The following PCDHGA12 variants were observed in gnomAD, a reference collection of about 807,000 sequenced individuals.
PCDHGA12 encodes the protein protocadherin gamma subfamily A, 12.
Under a neutral mutation model 61.1 loss-of-function variants are expected in PCDHGA12, and 43 were observed. That is an observed-to-expected ratio of 0.70 (90% confidence interval 0.55 to 0.91). The LOEUF (loss-of-function observed/expected upper bound fraction) is 0.91. Ranked by LOEUF, PCDHGA12 falls within the 40% of genes least tolerant of loss-of-function variation. The pLI is 0.00. For missense variants in PCDHGA12, 1,236 were observed against 1,227.7 expected, an observed-to-expected ratio of 1.01 and a Z score of -0.10; for synonymous variants, 520 against 542.9, an observed-to-expected ratio of 0.96 and a Z score of 0.59.
intron 1 of PCDHGA12, among the ~76,000 whole-genome samples, chr5:141,479,837 G>A (rs563513895): frequency 3.9e-5 from 6 of 152,338 alleles, no homozygotes; most frequent in Non-Finnish European, 8.8e-5. Flanking sequence ...TGGTATCCAT[G>A]CAAGGTGACT....
At chr5:141,510,408 T>C (rs1447722710) in intron 3 of PCDHGA12, among the ~76,000 whole-genome samples, 1 of 151,878 alleles carries the variant, frequency 6.6e-6, no homozygotes, top group African/African-American at 2.4e-5. Flanking sequence ...GCTAGGGGCA[T>C]GTAAAGCCAT....
At chr5:141,461,441 T>A (rs959248029) in intron 1 of PCDHGA12, among the ~76,000 whole-genome samples, 7 of 152,194 alleles carry the variant, frequency 4.6e-5, no homozygotes, top group Admixed American at 4.6e-4. Flanking sequence ...TACCTTCTTT[T>A]GAGAAATGGC....
Position 141,485,842 on chromosome 5 carries a change from T to G in PCDHGA12, c.2425-8965T>G. 4 of 1,614,002 alleles carry G rather than the reference T, an allele frequency of 2.5e-6. No homozygotes were observed. The highest frequency in any genetic ancestry group is 3.4e-6 in the Non-Finnish European group (4 of 1,179,982). On this transcript the variant is annotated intron_variant, in intron 1 of 3. Coordinates refer to ENST00000252085, the MANE Select transcript of PCDHGA12 (RefSeq NM_003735.3). The surrounding 1 kb of genome is among the most constrained non-coding windows in gnomAD (Gnocchi z 5.7). ...TCGATGGAGGGAACCCGCCGAGATC[T>G]GGCACCGCAGAGCTCCGGGTATCCG...
chr5:141,510,852 G>A (rs2099883073), intron 3 of PCDHGA12, 95 bp from the exon 4 acceptor site: 2 of 1,601,096 alleles, frequency 1.2e-6, no homozygotes, highest in Non-Finnish European at 1.7e-6. Flanking sequence ...GGCCCAGGGT[G>A]CTGTATAGGC....
chr5:141,490,811 A>G lies in PCDHGA12; in HGVS notation c.2425-3996A>G, dbSNP rs750702067. The G allele has an allele frequency of 1.2e-6, 2 of 1,613,918 alleles. No homozygotes were observed. The highest frequency in any genetic ancestry group is 8.5e-7 in the Non-Finnish European group (1 of 1,179,884). On this transcript the variant is annotated intron_variant, in intron 1 of 3. Coordinates refer to ENST00000252085, the MANE Select transcript of PCDHGA12 (RefSeq NM_003735.3). This position sits in a 1 kb window ranked among gnomAD's most constrained non-coding sequence, Gnocchi z 5.4. ...ATCTTTGCCCAGCGTACCTTTGACTATGAATTGCTGCAGATGCTGCAGATT... is the reference window on the plus strand; with the variant it reads ...ATCTTTGCCCAGCGTACCTTTGACTGTGAATTGCTGCAGATGCTGCAGATT...
intron 2 of PCDHGA12, among the ~76,000 whole-genome samples, chr5:141,501,049 A>G (rs1458722311): frequency 1.3e-5 from 2 of 151,844 alleles, no homozygotes; most frequent in African/African-American, 2.4e-5. Flanking sequence ...TTGTATTTTT[A>G]GTAGAGACGG....
In PCDHGA12 at chr5:141,489,637, T is replaced by G. The variant is rs1230531256; in HGVS notation, c.2425-5170T>G. The G allele has an allele frequency of 6.2e-6, 10 of 1,614,032 alleles. No homozygotes were observed. The highest frequency in any genetic ancestry group is 2.7e-5 in the African/African-American group (2 of 74,914). On this transcript the variant is annotated intron_variant, in intron 1 of 3. Transcript: ENST00000252085. The surrounding 1 kb of genome is among the most constrained non-coding windows in gnomAD (Gnocchi z 4.5). The stretch of plus-strand genomic sequence containing the variant: ...GGATCTCAATGACAACTCTCCTAGC[T>G]TTGCCACCCCTGAGCGAGAGATGCG...
intron 1 of PCDHGA12, among the ~76,000 whole-genome samples, chr5:141,435,715 A>G (rs528951395): frequency 6.6e-6 from 1 of 152,328 alleles, no homozygotes; most frequent in African/African-American, 2.4e-5. Context: ...ACAGACACTG[A>G]ATGCTAAAGT....
Position 141,490,672 on chromosome 5 carries a change from G to T in PCDHGA12, c.2425-4135G>T. The T allele has an allele frequency of 6.2e-7, 1 of 1,614,114 alleles. No homozygotes were observed. Among genetic ancestry groups the T allele is most frequent in the Non-Finnish European group, 8.5e-7 (1 of 1,179,996 alleles). ...GGGCTCCCTTCTTTGCACTGTGGCT[G>T]CCTCAGATCCAGACACTGGGGATAA... On this transcript the variant is annotated intron_variant, in intron 1 of 3. Coordinates refer to ENST00000252085, the MANE Select transcript of PCDHGA12 (RefSeq NM_003735.3). The surrounding 1 kb of genome is among the most constrained non-coding windows in gnomAD (Gnocchi z 5.4).
At chr5:141,445,169 T>C (rs2098458681) in intron 1 of PCDHGA12, among the ~76,000 whole-genome samples, 3 of 152,320 alleles carry the variant, frequency 2.0e-5, no homozygotes, top group Non-Finnish European at 1.5e-5. Flanking sequence ...TACAGAAAAA[T>C]GAAAAACTAT....
chr5:141,477,874 T>G lies in PCDHGA12; in HGVS notation c.2425-16933T>G. On this transcript the variant is annotated intron_variant, in intron 1 of 3. Coordinates refer to ENST00000252085, the MANE Select transcript of PCDHGA12 (RefSeq NM_003735.3). This position sits in a 1 kb window ranked among gnomAD's most constrained non-coding sequence, Gnocchi z 4.9. ...AGATGCTGCCTCGAGGTACCTCAGC[T>G]GGCCACCTAGTGTCACGGGTGGTAG... 1 of 1,614,176 alleles carries G rather than the reference T, an allele frequency of 6.2e-7. No individual in the cohort carries two copies. The highest frequency in any genetic ancestry group is 8.5e-7 in the Non-Finnish European group (1 of 1,180,028).
At chr5:141,446,831 T>C (rs1237079019) in intron 1 of PCDHGA12, among the ~76,000 whole-genome samples, 2 of 152,186 alleles carry the variant, frequency 1.3e-5, no homozygotes, top group East Asian at 3.9e-4. Context: ...TAGATCCTTA[T>C]AAGGCTGAGC....
intron 3 of PCDHGA12, among the ~76,000 whole-genome samples, chr5:141,506,923 C>G: frequency 6.6e-6 from 1 of 152,184 alleles, no homozygotes; most frequent in African/African-American, 2.4e-5. Flanking sequence ...ACATACTAAA[C>G]AAACTTTAGG....
At chr5:141,452,951 G>A (rs1397204185) in intron 1 of PCDHGA12, among the ~76,000 whole-genome samples, 1 of 152,154 alleles carries the variant, frequency 6.6e-6, no homozygotes, top group Admixed American at 6.6e-5. Context: ...GCAATTGGTT[G>A]TCTTTAAACT....
At chr5:141,437,896 C>T (rs943440712) in intron 1 of PCDHGA12, among the ~76,000 whole-genome samples, 2 of 152,128 alleles carry the variant, frequency 1.3e-5, no homozygotes, top group African/African-American at 4.8e-5. Flanking sequence ...CGCCACCACA[C>T]CCAGCTAATT....
chr5:141,465,995 A>C lies in PCDHGA12; in HGVS notation c.2425-28812A>C, dbSNP rs551920109. On this transcript the variant is annotated intron_variant, in intron 1 of 3. Coordinates refer to ENST00000252085, the MANE Select transcript of PCDHGA12 (RefSeq NM_003735.3). ...AAATTAGCCGGGCATGGTGGCAGGC[A>C]CCTGTAGTCCCAGCTACTCGGGAGG... Among the ~76,000 whole-genome samples the C allele has an allele frequency of 1.3e-4, 20 of 151,982 alleles. No homozygotes were observed. In the South Asian group the frequency reaches 4.2e-3, roughly 32 times the overall value.
At chr5:141,463,335 A>G (rs565781645) in intron 1 of PCDHGA12, among the ~76,000 whole-genome samples, 3 of 149,628 alleles carry the variant, frequency 2.0e-5, no homozygotes, top group South Asian at 2.1e-4. Context: ...CAGCAAAACC[A>G]TGGTGTTATT....
chr5:141,433,571 C>T lies in PCDHGA12; in HGVS notation c.2424+388C>T, dbSNP rs2097625242. ...TCTTTTCTGGCTGGGCGCGGTGGCT[C>T]ACGCCTGTAATCCCAGTACTTTGGG... On this transcript the variant is annotated intron_variant, in intron 1 of 3. Coordinates refer to ENST00000252085, the MANE Select transcript of PCDHGA12 (RefSeq NM_003735.3). 3.9e-5 allele frequency among the ~76,000 whole-genome samples: 6 copies of T among 152,228 alleles called. No homozygotes were observed. The South Asian group carries it at 1.2e-3, about 32-fold the overall frequency.
At chr5:141,448,216 G>A (rs766377717) in intron 1 of PCDHGA12, among the ~76,000 whole-genome samples, 41 of 152,046 alleles carry the variant, frequency 2.7e-4, no homozygotes, top group African/African-American at 1.7e-4. Context: ...GTGTGTATGC[G>A]AATGTATGTG....
Sources: gnomAD v4.1 joint callset for allele counts (sites outside exome capture counted in the v4.1 genomes callset) on GRCh38, gnomAD v4.1.1 for gene constraint, Gnocchi (gnomAD v3.1) non-coding constraint, MANE v1.5 for transcripts, NCBI Gene and HGNC (gene_info 2026-07-23, HGNC 2026-07-21) for gene names.